Variants in CEP192 observed in about 807,000 individuals in gnomAD.
CEP192 encodes centrosomal protein 192.
CEP192 carries 151 observed loss-of-function variants against 271.8 expected under a neutral mutation model. That is an observed-to-expected ratio of 0.56 (90% CI 0.49 to 0.64). The LOEUF (loss-of-function observed/expected upper bound fraction) is 0.64, where lower values mean the gene tolerates loss of function less well. Among genes scored for constraint, CEP192 ranks in the 30% least tolerant of loss-of-function variants. CEP192 has a pLI of 0.00. For synonymous variants in CEP192, 995 were observed against 1,076.5 expected, an observed-to-expected ratio of 0.92 and a Z score of 1.48; for missense variants, 2,910 against 3,020.5, an observed-to-expected ratio of 0.96 and a Z score of 0.86.
At chr18:13,041,508 G>C (rs931480626) in intron 14 of CEP192, among the ~76,000 whole-genome samples, 4 of 151,670 alleles carry the variant, frequency 2.6e-5, no homozygotes, top group Admixed American at 1.3e-4. Flanking sequence ...TACAGAGTCA[G>C]CTCATTTTCC....
chr18:12,996,339 CTAAGCAGCTAGGTGTTGGAGTT>C (rs2033236868), intron 1 of CEP192, among the ~76,000 whole-genome samples: 1 of 152,046 alleles, frequency 6.6e-6, no homozygotes, highest in Non-Finnish European at 1.5e-5. Context: ...GGTTTTTGGC[CTAAGCAGCTAGGTGTTGGAGTT>C]GTCATTTTCG....
chr18:13,071,396 G>A (rs530795232), intron 28 of CEP192, among the ~76,000 whole-genome samples, 184 bp downstream of exon 28: 12 of 152,286 alleles, frequency 7.9e-5, no homozygotes, highest in South Asian at 4.1e-4. Flanking sequence ...TTCCAGTCCT[G>A]CAAAGAGCAC....
Position 13,122,883 on chromosome 18 carries a change from A to C in CEP192, c.7476-1749A>C, listed in dbSNP as rs1384168769. 2.0e-5 allele frequency among the ~76,000 whole-genome samples: 3 copies of C among 152,106 alleles called. No individual in the cohort carries two copies. In the South Asian group the frequency reaches 6.2e-4, roughly 32 times the overall value. ...TGTAGAGATTAAATTAGTTCTCAAT[A>C]ATAGTATTACAAAGTACTTTTTAAA... On this transcript the variant is annotated intron_variant, in intron 44 of 44. Transcript: ENST00000506447.
Position 13,019,066 on chromosome 18 carries a change from T to G in CEP192, c.926-16T>G. 2 of 1,522,968 alleles carry G rather than the reference T, an allele frequency of 1.3e-6. No homozygotes were observed. The highest frequency in any genetic ancestry group is 3.4e-4 in the Middle Eastern group (2 of 5,910). The allele number at this position is 1,522,968 out of a possible 1,614,324, so 94.3% of individuals were successfully genotyped here. On this transcript the variant is annotated splice_polypyrimidine_tract_variant and intron_variant, in intron 8 of 44. Coordinates refer to ENST00000506447, the MANE Select transcript of CEP192 (RefSeq NM_032142.4). ...ATTTGATGTGGCTCCTTTAACATTT[T>G]TCTTTATTTTTTCAGGTAATTCTAT...
At position 13,031,408 on chromosome 18, in the gene CEP192, C is replaced by T. The variant is rs914051594; in HGVS notation, c.1534+800C>T. 5.3e-5 allele frequency among the ~76,000 whole-genome samples: 8 copies of T among 152,084 alleles called. No homozygotes were observed. In the East Asian group the frequency reaches 7.8e-4, roughly 15 times the overall value. On this transcript the variant is annotated intron_variant, in intron 11 of 44. Coordinates refer to ENST00000506447, the MANE Select transcript of CEP192 (RefSeq NM_032142.4). ...GACTACAGGCACCTGCCACTACGCC[C>T]GGCTAATTTTTTGTATTTTTAGTAG...
chr18:13,105,990 A>G (rs541053493), intron 40 of CEP192, among the ~76,000 whole-genome samples: 1 of 152,290 alleles, frequency 6.6e-6, no homozygotes, highest in South Asian at 2.1e-4. Context: ...CTGGGCCCAA[A>G]GCAGTCTACA....
At chr18:13,018,752 C>A in intron 8 of CEP192, 137 bp downstream of exon 8, 1 of 612,674 alleles carries the variant, frequency 1.6e-6, no homozygotes, top group Non-Finnish European at 2.6e-6. Flanking sequence ...CAGTCTAAAA[C>A]TTTTCAAAAG....
rs878875641 is a variant in CEP192, at chr18:13,049,651, A to G, written c.2860A>G (p.Asn954Asp). The G allele has an allele frequency of 2.5e-6, 4 of 1,612,366 alleles. No individual in the cohort carries two copies. The Admixed American group carries it at 6.7e-5, about 27-fold the overall frequency. The change falls in exon 16 of 45, where the codon AAC becomes GAC. Residue 954 changes from asparagine (N) to aspartate (D), a missense_variant. By Grantham distance (23) the Asn-to-Asp change is conservative (BLOSUM62 1). Coordinates refer to ENST00000506447, the MANE Select transcript of CEP192 (RefSeq NM_032142.4). ...SNSEKHVTFENHRIVSPKNSD... is the reference protein window; with the variant it reads ...SNSEKHVTFEDHRIVSPKNSD... ...CAGTGAGAAGCATGTGACTTTTGAA[A>G]ACCATCGCATAGTCTCACCTAAAAA...
At chr18:13,033,477 G>A (rs1327109490) in intron 11 of CEP192, among the ~76,000 whole-genome samples, 2 of 152,102 alleles carry the variant, frequency 1.3e-5, no homozygotes, top group Admixed American at 1.3e-4. Flanking sequence ...GTCCATTCTT[G>A]GCACCGCGTC....
chr18:13,058,348 T>C (rs1190152210), intron 20 of CEP192: 1 of 152,360 alleles, frequency 6.6e-6, no homozygotes, highest in Non-Finnish European at 1.5e-5. Context: ...AGCAGCTGTT[T>C]TGAAATGTCC....
chr18:13,068,923 G>C lies in CEP192; in HGVS notation c.4894G>C (p.Val1632Leu). The change falls in exon 25 of 45, where the codon GTT becomes CTT. Residue 1632 changes from valine (V) to leucine (L), a missense_variant. Physicochemically the swap from Val to Leu is conservative, Grantham distance 32. Transcript: ENST00000506447. ...IEVDSPNPTP[V>L]LRSVSLRARA... ...AGTTGACAGCCCAAACCCTACGCCC[G>C]TTCTTAGAAGTGTGAGTCTCCGAGC... The C allele has an allele frequency of 1.2e-6, 2 of 1,614,158 alleles. No individual in the cohort carries two copies.
At chr18:13,007,181 A>T (rs1268127513) in intron 3 of CEP192, among the ~76,000 whole-genome samples, 1 of 152,166 alleles carries the variant, frequency 6.6e-6, no homozygotes, top group Non-Finnish European at 1.5e-5. Flanking sequence ...AATCTGGGGT[A>T]AGCGTGGGTT....
chr18:13,049,608 T>C lies in CEP192; in HGVS notation c.2817T>C (p.Cys939=), dbSNP rs1335678807. Residue 939 remains cysteine, a synonymous_variant, in exon 16 of 45, where the codon TGT becomes TGC. Coordinates refer to ENST00000506447, the MANE Select transcript of CEP192 (RefSeq NM_032142.4). ...GAGAAAATCAGAGGCAAAATGAGTG[T>C]GTCAGTGAAATAAGCAACAGTGAGA... The part of the protein sequence containing the change: ...DNRENQRQNE[C]VSEISNSEKH... 16 of 1,613,532 alleles carry C rather than the reference T, an allele frequency of 9.9e-6. No individual in the cohort carries two copies. The highest frequency in any genetic ancestry group is 4.0e-5 in the African/African-American group (3 of 74,778).
At chr18:13,091,203 G>A (rs1754096457) in intron 33 of CEP192, among the ~76,000 whole-genome samples, 1 of 152,180 alleles carries the variant, frequency 6.6e-6, no homozygotes, top group Admixed American at 6.5e-5. Context: ...CCAGAATGAG[G>A]AAGAATGCTC....
intron 4 of CEP192, among the ~76,000 whole-genome samples, chr18:13,012,076 A>T (rs200944042): frequency 6.6e-6 from 1 of 152,254 alleles, no homozygotes; most frequent in African/African-American, 2.4e-5. Context: ...GGTTCTGTTT[A>T]TCCATAGGGA....
chr18:13,087,315 A>G, intron 31 of CEP192, 38 bp downstream of exon 31: 1 of 1,508,654 alleles, frequency 6.6e-7, no homozygotes, highest in Non-Finnish European at 9.0e-7. Flanking sequence ...ACATCAACTC[A>G]TTTTAAAATT....
At position 13,099,355 on chromosome 18, in the gene CEP192, C is replaced by G. The variant is rs2039596824; in HGVS notation, c.6558-121C>G. ...GAGCCGCATGGGAGTGAGCTCTGTT[C>G]TCTGCTCTTCCTGAGCAGTGAGGAA... On this transcript the variant is annotated intron_variant, in intron 36 of 44. Coordinates refer to ENST00000506447, the MANE Select transcript of CEP192 (RefSeq NM_032142.4). The G allele has an allele frequency of 4.7e-5, 28 of 596,936 alleles. No homozygotes were observed. In the South Asian group the frequency reaches 6.0e-4, roughly 13 times the overall value. The allele number at this position is 596,936 out of a possible 1,614,324, so 37.0% of individuals were successfully genotyped here. A position where few individuals can be genotyped will look rare whatever the true frequency, so the allele number is the denominator to read the frequency against.
Position 13,056,658 on chromosome 18 carries a change from T to G in CEP192, c.4068T>G (p.Cys1356Trp), listed in dbSNP as rs1476826304. 6.2e-7 allele frequency: 1 copy of G among 1,612,354 alleles called. No individual in the cohort carries two copies. The highest frequency in any genetic ancestry group is 1.7e-5 in the Admixed American group (1 of 59,812). ...PFPVPSVGTN[C>W]GIEPWDSGVT... ...CTGTGCCGTCTGTTGGTACAAACTG[T>G]GGAATTGAACCATGGGATTCAGGAG... Residue 1356 changes from cysteine (C) to tryptophan (W), a missense_variant, in exon 19 of 45, where the codon TGT becomes TGG. Cys to Trp is a radical substitution (Grantham distance 215). Transcript: ENST00000506447.
At chr18:13,050,159 C>A (rs1035878976) in intron 17 of CEP192, among the ~76,000 whole-genome samples, 2 of 152,038 alleles carry the variant, frequency 1.3e-5, no homozygotes, top group Non-Finnish European at 2.9e-5. Context: ...TCACTTGATA[C>A]TTCTGGTGAA....
Sources: allele counts gnomAD v4.1 joint callset (sites outside exome capture counted in the v4.1 genomes callset), GRCh38; gene constraint gnomAD v4.1.1; transcripts MANE v1.5; gene names NCBI Gene and HGNC (gene_info 2026-07-23, HGNC 2026-07-21).